The following CADM2 variants were observed in gnomAD, a reference collection of about 807,000 sequenced individuals.
CADM2 encodes the protein immunoglobulin superfamily member 4D.
A neutral mutation model predicts 49.8 loss-of-function variants in CADM2; 12 were observed. The observed-to-expected ratio is 0.24, with a 90% CI of 0.15 to 0.39. The LOEUF (loss-of-function observed/expected upper bound fraction) is 0.39. CADM2 is among the 10% of genes least tolerant of loss of function. CADM2 has a pLI of 1.00. For missense variants in CADM2, 378 were observed against 492.3 expected (o/e 0.77, Z 2.20); for synonymous variants, 214 against 175.4 (o/e 1.22, Z -1.74).
At chr3:85,509,167 T>C (rs1358177182) in intron 1 of CADM2, among the ~76,000 whole-genome samples, 4 of 152,134 alleles carry the variant, frequency 2.6e-5, no homozygotes, top group Non-Finnish European at 5.9e-5. Context: ...ACATGAGAGC[T>C]GAACTAAAAC....
chr3:85,516,550 G>C (rs2060908229), intron 1 of CADM2, among the ~76,000 whole-genome samples: 2 of 152,012 alleles, frequency 1.3e-5, no homozygotes, highest in African/African-American at 4.8e-5. Flanking sequence ...AGAGATTTTA[G>C]TAATACAACC....
At chr3:85,131,659 C>A (rs1056726495) in intron 1 of CADM2, among the ~76,000 whole-genome samples, 1 of 152,106 alleles carries the variant, frequency 6.6e-6, no homozygotes, top group African/African-American at 2.4e-5. Flanking sequence ...ATATAACTTA[C>A]CTAACCATAT....
chr3:85,594,506 C>G lies in CADM2; in HGVS notation c.62-132016C>G, dbSNP rs2063190409. Among the ~76,000 whole-genome samples the G allele has an allele frequency of 2.0e-5, 3 of 151,764 alleles. No homozygotes were observed. The Admixed American group carries it at 2.0e-4, about 10-fold the overall frequency. On this transcript the variant is annotated intron_variant, in intron 1 of 9. Coordinates refer to ENST00000383699, the MANE Select transcript of CADM2 (RefSeq NM_001167675.2). ...AAGTAACTGGCAGAGATGTGAATGA[C>G]TATAATGAAAAATATTTTAGAGAGT...
intron 1 of CADM2, among the ~76,000 whole-genome samples, chr3:85,611,090 A>G (rs2063670737): frequency 6.6e-6 from 1 of 151,972 alleles, no homozygotes; most frequent in African/African-American, 2.4e-5. Context: ...GAAAAGAAGA[A>G]ACAAATTTAT....
chr3:85,772,142 A>C (rs1178807084), intron 2 of CADM2, among the ~76,000 whole-genome samples: 1 of 151,418 alleles, frequency 6.6e-6, no homozygotes, highest in Non-Finnish European at 1.5e-5. Flanking sequence ...ATCAGTCCTA[A>C]CCATAGCATT....
At chr3:86,062,358 T>C (rs986584307) in intron 8 of CADM2, among the ~76,000 whole-genome samples, 2 of 152,168 alleles carry the variant, frequency 1.3e-5, no homozygotes, top group Non-Finnish European at 2.9e-5. Context: ...GATAGAAATG[T>C]AGGGAAATAC....
At chr3:86,048,886 C>A (rs1736992613) in intron 8 of CADM2, among the ~76,000 whole-genome samples, 1 of 152,054 alleles carries the variant, frequency 6.6e-6, no homozygotes, top group African/African-American at 2.4e-5. Context: ...ACAAAGGCAA[C>A]ATTTTACAGA....
At chr3:86,041,687 A>T (rs954112485) in intron 8 of CADM2, among the ~76,000 whole-genome samples, 4 of 152,212 alleles carry the variant, frequency 2.6e-5, no homozygotes, top group South Asian at 2.1e-4. Flanking sequence ...CAGAAAGTTA[A>T]CAAGGGTATC....
intron 1 of CADM2, among the ~76,000 whole-genome samples, chr3:85,131,590 C>T (rs2039231283): frequency 6.6e-6 from 1 of 152,066 alleles, no homozygotes; most frequent in South Asian, 2.1e-4. Context: ...TACTATATAG[C>T]GGGGCCCATG....
chr3:85,857,111 A>G (rs1246607629), intron 3 of CADM2, among the ~76,000 whole-genome samples: 1 of 152,170 alleles, frequency 6.6e-6, no homozygotes, highest in Non-Finnish European at 1.5e-5. Flanking sequence ...ATATCCTCAC[A>G]TTGCACAAAA....
intron 1 of CADM2, among the ~76,000 whole-genome samples, chr3:85,107,279 T>A (rs1035549834): frequency 2.6e-5 from 4 of 152,184 alleles, no homozygotes; most frequent in Admixed American, 2.6e-4. Context: ...GGATATTTCA[T>A]AAGTTTTGGT....
At chr3:85,142,219 G>A (rs982916506) in intron 1 of CADM2, among the ~76,000 whole-genome samples, 1 of 152,154 alleles carries the variant, frequency 6.6e-6, no homozygotes, top group African/African-American at 2.4e-5. Context: ...CAGCCCTCAT[G>A]GTCTCACATT....
intron 1 of CADM2, among the ~76,000 whole-genome samples, chr3:85,545,492 T>G (rs2061648739): frequency 6.6e-6 from 1 of 152,216 alleles, no homozygotes; most frequent in African/African-American, 2.4e-5. Flanking sequence ...ACTATATCTG[T>G]GTGATTCCAA....
intron 8 of CADM2, among the ~76,000 whole-genome samples, chr3:85,990,042 A>AAAAAAAAAAACAAAAG (rs1436572625): frequency 9.3e-6 from 1 of 108,002 alleles, no homozygotes; most frequent in African/African-American, 2.8e-5. Context: ...AAAAAAAAAA[A>AAAAAAAAAAACAAAAG]AAGAAGACTA....
intron 8 of CADM2, among the ~76,000 whole-genome samples, chr3:85,968,029 A>C (rs1333514617): frequency 6.6e-6 from 1 of 151,582 alleles, no homozygotes; most frequent in Non-Finnish European, 1.5e-5. Flanking sequence ...GAAAATATAC[A>C]GTGGAGGGAA....
chr3:85,784,383 T>C (rs1305447058), intron 2 of CADM2, among the ~76,000 whole-genome samples: 2 of 144,106 alleles, frequency 1.4e-5, no homozygotes, highest in Non-Finnish European at 3.0e-5. Flanking sequence ...GAAAGAGGAA[T>C]TTTAGTAATG....
At chr3:86,010,201 C>T (rs1731327908) in intron 8 of CADM2, among the ~76,000 whole-genome samples, 2 of 151,798 alleles carry the variant, frequency 1.3e-5, no homozygotes, top group Admixed American at 1.3e-4. Flanking sequence ...CAATCCTGGA[C>T]AGGTCAAATA....
At chr3:84,960,034 C>A (rs1218476970) in intron 1 of CADM2, 6 of 367,934 alleles carry the variant, frequency 1.6e-5, no homozygotes, top group African/African-American at 1.3e-4. Context: ...AGCCACCTCC[C>A]ACATCACGCT....
At position 85,817,149 on chromosome 3, in the gene CADM2, T is replaced by G. The variant is rs114663211; in HGVS notation, c.238+14953T>G. 1.6e-3 allele frequency among the ~76,000 whole-genome samples: 247 copies of G among 152,284 alleles called. 1 individual carries two copies. Among genetic ancestry groups the G allele is most frequent in the African/African-American group, 5.5e-3 (230 of 41,566 alleles). ...TGGTGAAATGTAGGAGGTAGCGTTA[T>G]TTTAGTACCAAAGTGTGGGTATTTT... On this transcript the variant is annotated intron_variant, in intron 3 of 9. Coordinates refer to ENST00000383699, the MANE Select transcript of CADM2 (RefSeq NM_001167675.2).
Sources: allele counts gnomAD v4.1 joint callset (sites outside exome capture counted in the v4.1 genomes callset), GRCh38; gene constraint gnomAD v4.1.1; transcripts MANE v1.5; gene names NCBI Gene and HGNC (gene_info 2026-07-23, HGNC 2026-07-21).